TSHZ2: variants seen among roughly 807,000 people sequenced by gnomAD.
The protein encoded by TSHZ2 is teashirt zinc finger homeobox 2.
Under a neutral mutation model 74.4 loss-of-function variants are expected in TSHZ2, and 21 were observed. The observed-to-expected ratio is 0.28, with a 90% CI of 0.20 to 0.41. TSHZ2 has a LOEUF of 0.41. Ranked by LOEUF, TSHZ2 falls within the 10% of genes least tolerant of loss-of-function variation. The pLI is 1.00. For synonymous variants in TSHZ2, 540 were observed against 515.3 expected (o/e 1.05, Z -0.65); for missense variants, 1,244 against 1,293.5 (o/e 0.96, Z 0.59).
intron 1 of TSHZ2, among the ~76,000 whole-genome samples, chr20:53,072,989 T>TCCATCCCTCCCTC (rs1985228369): frequency 9.8e-5 from 10 of 101,724 alleles, no homozygotes; most frequent in Non-Finnish European, 1.4e-4. Flanking sequence ...ATCCCTCCCT[T>TCCATCCCTCCCTC]CATCCATCCC....
chr20:53,236,983 C>T (rs983205510), intron 1 of TSHZ2, among the ~76,000 whole-genome samples: 3 of 152,168 alleles, frequency 2.0e-5, no homozygotes, highest in African/African-American at 7.2e-5. Context: ...ATGAGGTTTG[C>T]ATGGGGACAC....
intron 2 of TSHZ2, among the ~76,000 whole-genome samples, chr20:53,463,433 AGGAGGGAGGGAG>A (rs1349772075): frequency 7.8e-4 from 72 of 92,862 alleles, no homozygotes; most frequent in South Asian, 2.9e-3. Flanking sequence ...GAAGGAAGGA[AGGAGGGAGGGAG>A]GGAAGGAAGG....
chr20:53,242,283 C>T (rs528144916), intron 1 of TSHZ2, among the ~76,000 whole-genome samples: 2 of 152,208 alleles, frequency 1.3e-5, no homozygotes, highest in South Asian at 2.1e-4. Context: ...TGTCCTCAAA[C>T]GTTGTCCCAT....
chr20:53,413,662 T>TAA lies in TSHZ2; in HGVS notation c.*9-73482_*9-73481insAA, dbSNP rs147666157. Among the ~76,000 whole-genome samples, 292 of 152,354 alleles carry TAA rather than the reference T, an allele frequency of 1.9e-3. 2 individuals carry two copies. The highest frequency in any genetic ancestry group is 6.7e-3 in the African/African-American group (280 of 41,588). On this transcript the variant is annotated intron_variant, in intron 2 of 2. Transcript: ENST00000371497. Reference sequence around the variant, plus strand: ...AGGACTACTCCATTGTGAAGTATTTTCCATCCATTGGAATTGCATAAGCAC... The same window carrying TAA: ...AGGACTACTCCATTGTGAAGTATTTTAACCATCCATTGGAATTGCATAAGCAC...
At chr20:53,328,301 T>C (rs533636083) in intron 2 of TSHZ2, among the ~76,000 whole-genome samples, 1 of 152,288 alleles carries the variant, frequency 6.6e-6, no homozygotes, top group Admixed American at 6.5e-5. Flanking sequence ...ATACTGGAAA[T>C]TGAGAAGGTC....
At position 53,076,161 on chromosome 20, in the gene TSHZ2, A is replaced by G. The variant is rs545185551; in HGVS notation, c.40+102828A>G. Among the ~76,000 whole-genome samples the G allele has an allele frequency of 1.1e-4, 17 of 152,344 alleles. No individual in the cohort carries two copies. In the South Asian group the frequency reaches 2.7e-3, roughly 24 times the overall value. ...AAGGATTAATCTGGCAGTAGTTTAC[A>G]AAACTAATCACAGCAAAGAGAGATC... On this transcript the variant is annotated intron_variant, in intron 1 of 2. Transcript: ENST00000371497.
chr20:53,452,369 G>A (rs905516396), intron 2 of TSHZ2, among the ~76,000 whole-genome samples: 4 of 152,182 alleles, frequency 2.6e-5, no homozygotes, highest in Non-Finnish European at 5.9e-5. Context: ...GGAGGCCGAG[G>A]CAGGTAAATC....
intron 1 of TSHZ2, among the ~76,000 whole-genome samples, chr20:53,037,131 A>G (rs1378500615): frequency 6.6e-6 from 1 of 152,122 alleles, no homozygotes; most frequent in Non-Finnish European, 1.5e-5. Flanking sequence ...TTCTTTCCCT[A>G]TGATGAATTT....
At chr20:53,334,849 A>G (rs988904343) in intron 2 of TSHZ2, among the ~76,000 whole-genome samples, 1 of 151,872 alleles carries the variant, frequency 6.6e-6, no homozygotes, top group African/African-American at 2.4e-5. Flanking sequence ...ACGCCTGGCT[A>G]ATTTTTGTAT....
At chr20:53,021,080 A>T (rs1455541258) in intron 1 of TSHZ2, among the ~76,000 whole-genome samples, 1 of 152,248 alleles carries the variant, frequency 6.6e-6, no homozygotes, top group Non-Finnish European at 1.5e-5. Context: ...TGACTGAAAC[A>T]AATGGTGGAC....
intron 1 of TSHZ2, among the ~76,000 whole-genome samples, chr20:53,017,080 C>G (rs1983063606): frequency 6.6e-6 from 1 of 152,206 alleles, no homozygotes. Flanking sequence ...TAGTCATCAT[C>G]ATATTCCTTT....
At chr20:53,051,878 A>C (rs1180684089) in intron 1 of TSHZ2, among the ~76,000 whole-genome samples, 1 of 152,214 alleles carries the variant, frequency 6.6e-6, no homozygotes, top group Non-Finnish European at 1.5e-5. Flanking sequence ...TGCAGGAGAA[A>C]GAAACAATTG....
At chr20:53,186,901 A>AT (rs1568801704) in intron 1 of TSHZ2, among the ~76,000 whole-genome samples, 25 of 149,112 alleles carry the variant, frequency 1.7e-4, no homozygotes, top group African/African-American at 6.1e-4. Flanking sequence ...ACTAGGGTTT[A>AT]ATATATATAT....
At chr20:53,482,874 C>G (rs981533136) in intron 2 of TSHZ2, among the ~76,000 whole-genome samples, 4 of 152,018 alleles carry the variant, frequency 2.6e-5, no homozygotes, top group African/African-American at 7.2e-5. Context: ...CCACTATACT[C>G]AAGCCGGGGC....
intron 2 of TSHZ2, among the ~76,000 whole-genome samples, chr20:53,315,396 T>C (rs183327212): frequency 2.0e-5 from 3 of 152,242 alleles, no homozygotes; most frequent in African/African-American, 7.2e-5. Context: ...CAGCAAACTT[T>C]CCACGTTTTG....
chr20:52,980,919 G>A (rs1219031159), intron 1 of TSHZ2, among the ~76,000 whole-genome samples: 1 of 152,030 alleles, frequency 6.6e-6, no homozygotes, highest in Non-Finnish European at 1.5e-5. Context: ...TTTTTTTTAT[G>A]TATTTAGGAG....
At chr20:53,458,345 G>A (rs1277296045) in intron 2 of TSHZ2, among the ~76,000 whole-genome samples, 21 of 151,878 alleles carry the variant, frequency 1.4e-4, no homozygotes, top group African/African-American at 3.9e-4. Context: ...GTTTATTTGT[G>A]TAGAGGTGTT....
At chr20:53,085,560 T>C (rs1002965371) in intron 1 of TSHZ2, among the ~76,000 whole-genome samples, 8 of 152,186 alleles carry the variant, frequency 5.3e-5, no homozygotes, top group African/African-American at 1.9e-4. Context: ...TGTTATTTAT[T>C]GAACACTTAT....
intron 1 of TSHZ2, among the ~76,000 whole-genome samples, chr20:53,238,836 T>TAAAAAAAAAAAAAAAAAAAAAAAAAAAAA (rs746136673): frequency 1.5e-5 from 1 of 65,996 alleles, no homozygotes; most frequent in Non-Finnish European, 2.8e-5. Context: ...ATCTTATATC[T>TAAAAAAAAAAAAAAAAAAAAAAAAAAAAA]AAAAAAAAAA....
Sources: gnomAD v4.1 joint callset for allele counts (sites outside exome capture counted in the v4.1 genomes callset) on GRCh38, gnomAD v4.1.1 for gene constraint, MANE v1.5 for transcripts, NCBI Gene and HGNC (gene_info 2026-07-23, HGNC 2026-07-21) for gene names.